The following BAIAP2L2 variants were observed in gnomAD, a reference collection of about 807,000 sequenced individuals.
BAIAP2L2 encodes the protein BAR/IMD domain-containing adapter protein 2-like 2.
In BAIAP2L2, 65 loss-of-function variants were observed where a neutral mutation model predicts 60.4. That is an observed-to-expected ratio of 1.08 (90% CI 0.88 to 1.32). BAIAP2L2 has a LOEUF of 1.32. BAIAP2L2 is among the 40% of genes most tolerant of loss of function. The pLI is 0.00. For missense variants in BAIAP2L2, 836 were observed against 741.2 expected (o/e 1.13, Z -1.48); for synonymous variants, 344 against 301.7 (o/e 1.14, Z -1.45).
chr22:38,085,004 A>C lies in BAIAP2L2; in HGVS notation c.*296T>G. On this transcript the variant is annotated 3_prime_UTR_variant, in exon 14 of 14. Transcript: ENST00000381669. ...AGGGGCTCCTCCCCACGGGGGCAGA[A>C]AAGGGGGAAAGAGGTTAGGGGGCAA... 2.8e-6 allele frequency: 1 copy of C among 355,772 alleles called. No individual in the cohort carries two copies. Among genetic ancestry groups the C allele is most frequent in the Non-Finnish European group, 5.2e-6 (1 of 191,180 alleles). 22.0% of individuals were successfully genotyped at this position (355,772 alleles called of 1,614,324 possible).
At chr22:38,110,929 T>G (rs1358002301), upstream of BAIAP2L2, among the ~76,000 whole-genome samples, 1 of 152,124 alleles carries the variant, frequency 6.6e-6, no homozygotes, top group Non-Finnish European at 1.5e-5. Flanking sequence ...TTGCCCACCT[T>G]ACTGGGCGGG....
chr22:38,092,469 G>T (rs369699822), intron 7 of BAIAP2L2, among the ~76,000 whole-genome samples: 1 of 152,052 alleles, frequency 6.6e-6, no homozygotes, highest in Non-Finnish European at 1.5e-5. Context: ...TAGAGACGGG[G>T]TTTCACCATG....
intron 5 of BAIAP2L2, 41 bp from the exon 6 acceptor site, chr22:38,098,220 T>G (rs1247507309): frequency 6.3e-7 from 1 of 1,593,726 alleles, no homozygotes; most frequent in South Asian, 1.1e-5. Context: ...TCCCCCCACA[T>G]CAGAGAGCTC....
intron 4 of BAIAP2L2, among the ~76,000 whole-genome samples, chr22:38,101,255 A>T (rs986240274): frequency 3.3e-5 from 5 of 151,958 alleles, no homozygotes; most frequent in African/African-American, 1.2e-4. Context: ...AAGACTAGCC[A>T]GGCACAGTGG....
chr22:38,086,148 C>A (rs1168699428), intron 12 of BAIAP2L2, 94 bp downstream of exon 12: 13 of 1,365,886 alleles, frequency 9.5e-6, no homozygotes, highest in Non-Finnish European at 1.3e-5. Flanking sequence ...TAGGCGGGTC[C>A]CCTGCCAGAC....
intron 4 of BAIAP2L2, among the ~76,000 whole-genome samples, chr22:38,101,091 T>C (rs753123448): frequency 2.6e-5 from 4 of 152,142 alleles, no homozygotes; most frequent in Non-Finnish European, 5.9e-5. Flanking sequence ...ACTCAACATA[T>C]TTAGGAACTT....
intron 7 of BAIAP2L2, among the ~76,000 whole-genome samples, chr22:38,092,029 T>TCAGTTTA (rs982563619): frequency 2.0e-5 from 3 of 152,152 alleles, no homozygotes; most frequent in African/African-American, 4.8e-5. Flanking sequence ...AACTCATACA[T>TCAGTTTA]CACTGATGGA....
At chr22:38,104,153 T>C (rs149529717) in intron 4 of BAIAP2L2, among the ~76,000 whole-genome samples, 1 of 152,160 alleles carries the variant, frequency 6.6e-6, no homozygotes, top group East Asian at 1.9e-4. Context: ...CAGTGGGTAA[T>C]AATAGCAGAT....
chr22:38,085,283 C>T lies in BAIAP2L2; in HGVS notation c.*17G>A, dbSNP rs768002769. On this transcript the variant is annotated 3_prime_UTR_variant, in exon 14 of 14. Coordinates refer to ENST00000381669, the MANE Select transcript of BAIAP2L2 (RefSeq NM_025045.6). ...CCCTGGGCAGGTGCACTGTGGGGTA[C>T]GACCTCGGACCCCGCCTCAGCGGAT... 1.2e-5 allele frequency: 19 copies of T among 1,612,214 alleles called. No individual in the cohort carries two copies. The highest frequency in any genetic ancestry group is 2.7e-5 in the African/African-American group (2 of 74,814).
chr22:38,094,210 C>T (rs540604717), intron 7 of BAIAP2L2, among the ~76,000 whole-genome samples: 6 of 151,270 alleles, frequency 4.0e-5, no homozygotes, highest in Admixed American at 1.3e-4. Flanking sequence ...TTTTTTGAGA[C>T]GGAATTTCGC....
intron 10 of BAIAP2L2, 33 bp downstream of exon 10, chr22:38,088,715 C>CGGG: frequency 2.1e-6 from 2 of 931,544 alleles, no homozygotes; most frequent in Non-Finnish European, 3.3e-6. Flanking sequence ...TTCTTCTCAA[C>CGGG]CCACCCCCGG....
intron 7 of BAIAP2L2, chr22:38,090,815 A>G (rs539920536): frequency 6.6e-6 from 1 of 152,278 alleles, no homozygotes; most frequent in Non-Finnish European, 1.5e-5. Flanking sequence ...TACACTTTCA[A>G]TGATTTCTGC....
chr22:38,104,750 C>A (rs1413959685), intron 4 of BAIAP2L2, among the ~76,000 whole-genome samples: 1 of 152,116 alleles, frequency 6.6e-6, no homozygotes, highest in Non-Finnish European at 1.5e-5. Flanking sequence ...CCTGCCTTGG[C>A]CTCCCAAAGT....
chr22:38,089,253 G>T, intron 8 of BAIAP2L2, 22 bp from the exon 9 acceptor site: 1 of 211,318 alleles, frequency 4.7e-6, no homozygotes. Flanking sequence ...ATGGGCAGGG[G>T]AGGGTGGGGC....
In BAIAP2L2 at chr22:38,086,399, G is replaced by A. The variant is rs770842791; in HGVS notation, c.1310C>T (p.Pro437Leu). Residue 437 changes from proline (P) to leucine (L), a missense_variant, in exon 12 of 14, where the codon CCG (proline) becomes CTG (leucine). Coordinates refer to ENST00000381669, the MANE Select transcript of BAIAP2L2 (RefSeq NM_025045.6). ...CTCCGAGGGTGCTATGGAGTTGCCC[G>A]GCCGGTCCAGGAGGTCATCGAGGCT... ...SHSLDDLLDR[P>L]GNSIAPSEYW... 49 of 1,542,942 alleles carry A rather than the reference G, an allele frequency of 3.2e-5. No individual in the cohort carries two copies. Among genetic ancestry groups the A allele is most frequent in the Middle Eastern group, 3.5e-4 (2 of 5,792 alleles).
At chr22:38,096,509 G>A in intron 7 of BAIAP2L2, among the ~76,000 whole-genome samples, 1 of 152,164 alleles carries the variant, frequency 6.6e-6, no homozygotes. Context: ...ACAAAAATTA[G>A]CCGGGCGTGA....
intron 4 of BAIAP2L2, among the ~76,000 whole-genome samples, chr22:38,101,258 C>A (rs769669808): frequency 2.6e-5 from 4 of 151,150 alleles, no homozygotes; most frequent in Admixed American, 6.6e-5. Context: ...ACTAGCCAGG[C>A]ACAGTGGCTC....
chr22:38,097,024 C>G lies in BAIAP2L2; in HGVS notation c.612+8G>C, dbSNP rs1355733384. On this transcript the variant is annotated splice_region_variant and intron_variant, in intron 7 of 13. Transcript: ENST00000381669. ...GCGCCCCGCTTGCTGCCCCCCAGTC[C>G]AACTCACCCGGCCGAAGAACTGCAG... 6 of 1,608,022 alleles carry G rather than the reference C, an allele frequency of 3.7e-6. No homozygotes were observed. The highest frequency in any genetic ancestry group is 3.4e-6 in the Non-Finnish European group (4 of 1,176,994).
chr22:38,097,091 G>C lies in BAIAP2L2; in HGVS notation c.553C>G (p.Arg185Gly). Residue 185 changes from arginine (R) to glycine (G), a missense_variant, in exon 7 of 14, where the codon CGC (arginine) becomes GGC (glycine). Transcript: ENST00000381669. ...AGCAGGTGCTTCTCTGCTAGGAAGC[G>C]ATAGCGCCGCTTCTCTTCCAATTCA... ...AAELEEKRRY[R>G]FLAEKHLLLS... 1.2e-6 allele frequency: 2 copies of C among 1,614,092 alleles called. No individual in the cohort carries two copies. Among genetic ancestry groups the C allele is most frequent in the South Asian group, 1.1e-5 (1 of 91,076 alleles).
Sources: allele counts gnomAD v4.1 joint callset (sites outside exome capture counted in the v4.1 genomes callset), GRCh38; gene constraint gnomAD v4.1.1; transcripts MANE v1.5; gene names NCBI Gene and HGNC (gene_info 2026-07-23, HGNC 2026-07-21).